SPON2: variants seen among roughly 807,000 people sequenced by gnomAD.
SPON2 encodes the protein spondin-2.
In SPON2, 32 loss-of-function variants were observed where a neutral mutation model predicts 29.9. That is an observed-to-expected ratio of 1.07 (90% CI 0.81 to 1.44). The LOEUF (loss-of-function observed/expected upper bound fraction) is 1.44, where lower values mean the gene tolerates loss of function less well. SPON2 is among the 40% of genes most tolerant of loss of function. The probability of loss-of-function intolerance (pLI) is 0.00; values close to 1 mark genes in which losing one functional copy is unlikely to be tolerated. For missense variants in SPON2, 541 were observed against 455.5 expected, an observed-to-expected ratio of 1.19 and a Z score of -1.71; for synonymous variants, 248 against 209.1, an observed-to-expected ratio of 1.19 and a Z score of -1.61.
At position 1,206,175 on chromosome 4, in the gene SPON2, GC is replaced by G. The variant is rs543225873; in HGVS notation, c.-234+1704del. 5.3e-5 allele frequency among the ~76,000 whole-genome samples: 8 copies of G among 152,314 alleles called. No homozygotes were observed. The South Asian group carries it at 1.4e-3, about 28-fold the overall frequency. On this transcript the variant is annotated intron_variant, in intron 1 of 3. Transcript: ENST00000509233. Reference sequence around the variant, plus strand: ...GACCCGGGGCCATGAACAGGAGGATGCCCCCCTCCCTGCTCCTCATGTGTGC... The same window carrying G: ...GACCCGGGGCCATGAACAGGAGGATGCCCCCTCCCTGCTCCTCATGTGTGC...
intron 1 of SPON2, among the ~76,000 whole-genome samples, chr4:1,186,046 C>A (rs1000254855): frequency 4.7e-5 from 7 of 149,862 alleles, no homozygotes; most frequent in South Asian, 2.1e-4. Flanking sequence ...AGATCGAGAC[C>A]ATCCTGGCTA....
At chr4:1,184,936 C>CAAAAA (rs71168814) in intron 1 of SPON2, among the ~76,000 whole-genome samples, 1 of 126,136 alleles carries the variant, frequency 7.9e-6, no homozygotes, top group Non-Finnish European at 1.6e-5. Flanking sequence ...GACTCTGTCT[C>CAAAAA]AAAAAAAAAA....
At chr4:1,175,963 G>A (rs1413073387), upstream of SPON2, among the ~76,000 whole-genome samples, 7 of 152,162 alleles carry the variant, frequency 4.6e-5, no homozygotes, top group Non-Finnish European at 8.8e-5. Context: ...CCAAAAGCAC[G>A]CCTGCGAAGG....
chr4:1,186,115 G>A (rs1227197286), intron 1 of SPON2, among the ~76,000 whole-genome samples: 3 of 150,286 alleles, frequency 2.0e-5, no homozygotes, highest in African/African-American at 4.9e-5. Flanking sequence ...GTGGTGGTGG[G>A]CGCCTGTAGT....
Position 1,171,204 on chromosome 4 carries a change from G to A in SPON2, c.445-14C>T, listed in dbSNP as rs1727429217. On this transcript the variant is annotated splice_polypyrimidine_tract_variant and intron_variant, in intron 3 of 5. Transcript: ENST00000290902. ...CACAAACGAGACCTGCGGCGACAGC[G>A]GCTCAGCGCGCCTGGCCCCGGCCCC... 2.0e-6 allele frequency: 3 copies of A among 1,480,216 alleles called. No individual in the cohort carries two copies. The East Asian group carries it at 8.4e-5, about 41-fold the overall frequency. 91.7% of individuals were successfully genotyped at this position (1,480,216 alleles called of 1,614,324 possible).
At chr4:1,187,533 C>CT (rs1188033297) in intron 1 of SPON2, among the ~76,000 whole-genome samples, 3 of 151,980 alleles carry the variant, frequency 2.0e-5, no homozygotes, top group Non-Finnish European at 4.4e-5. Context: ...TTATATGTAT[C>CT]TTTTTTTTGA....
chr4:1,176,729 TTCACACAGTACATTCATGCACTAATTCAC>T (rs1389945016), upstream of SPON2, among the ~76,000 whole-genome samples: 130 of 152,172 alleles, frequency 8.5e-4, 1 homozygote, highest in African/African-American at 3.1e-3. Context: ...AGTACATTGA[TTCACACAGTACATTCATGCACTAATTCAC>T]TCACACAGTA....
At chr4:1,195,520 T>G (rs1367900617), upstream of SPON2, among the ~76,000 whole-genome samples, 5 of 149,072 alleles carry the variant, frequency 3.4e-5, no homozygotes, top group Admixed American at 2.0e-4. Flanking sequence ...AGCTCGAGGT[T>G]GGGCGGATGG....
chr4:1,170,768 T>G, intron 4 of SPON2, 192 bp from the exon 5 acceptor site: 1 of 946,378 alleles, frequency 1.1e-6, no homozygotes, highest in South Asian at 1.4e-5. Context: ...AGGGGCAGCC[T>G]CCTCGGGACG....
rs921018588 is a variant in SPON2, at chr4:1,202,599, C to T, written c.-234+5281G>A. ...CTCAGCCCACTCAGTGCTCATGGGT[C>T]GGAGTCTCCTGCCTGCCGCTCTCCC... On this transcript the variant is annotated intron_variant, in intron 1 of 3. Coordinates refer to the SPON2 transcript ENST00000509233. The surrounding 1 kb of genome is among the most constrained non-coding windows in gnomAD (Gnocchi z 5.4). 2.0e-5 allele frequency among the ~76,000 whole-genome samples: 3 copies of T among 152,050 alleles called. No homozygotes were observed. The highest frequency in any genetic ancestry group is 7.2e-5 in the African/African-American group (3 of 41,390).
intron 1 of SPON2, chr4:1,200,683 C>A (rs773002478): frequency 2.5e-6 from 1 of 394,068 alleles, no homozygotes; most frequent in Non-Finnish European, 5.2e-6. Context: ...CAGGTGTGGA[C>A]GACCCTCACA....
chr4:1,171,507 G>T (rs1458390482), intron 2 of SPON2, 21 bp from the exon 3 acceptor site: 3 of 1,602,428 alleles, frequency 1.9e-6, no homozygotes, highest in African/African-American at 2.7e-5. Flanking sequence ...ACCCGGCCGC[G>T]CCGCGGACCA....
At chr4:1,171,782 A>G (rs1727459213) in intron 2 of SPON2, 70 bp downstream of exon 2, 1 of 1,054,802 alleles carries the variant, frequency 9.5e-7, no homozygotes, top group East Asian at 2.4e-5. Flanking sequence ...GCCGCCGTGC[A>G]GCTGTGCGGG....
chr4:1,192,823 C>T (rs1317917993), intron 1 of SPON2, among the ~76,000 whole-genome samples: 3 of 152,236 alleles, frequency 2.0e-5, no homozygotes, highest in Non-Finnish European at 2.9e-5. Flanking sequence ...GCTGAGGCCA[C>T]GGCCCAGCAT....
intron 1 of SPON2, 86 bp from the exon 2 acceptor site, chr4:1,172,160 G>T: frequency 1.6e-6 from 2 of 1,238,796 alleles, no homozygotes; most frequent in Non-Finnish European, 2.3e-6. Context: ...GGCACTTTGG[G>T]CTCTGAGGAC....
chr4:1,191,550 C>T (rs1727915001), intron 1 of SPON2, among the ~76,000 whole-genome samples: 1 of 152,176 alleles, frequency 6.6e-6, no homozygotes, highest in Non-Finnish European at 1.5e-5. Context: ...AGCCAGTCTC[C>T]CAGTGAAGGT....
At chr4:1,171,568 C>T in intron 2 of SPON2, 82 bp from the exon 3 acceptor site, 1 of 1,378,092 alleles carries the variant, frequency 7.3e-7, no homozygotes, top group Non-Finnish European at 1.0e-6. Flanking sequence ...CCCAGGAAAT[C>T]CCTCCCCGCC....
At chr4:1,192,124 A>T (rs1473124452) in intron 1 of SPON2, among the ~76,000 whole-genome samples, 1 of 152,230 alleles carries the variant, frequency 6.6e-6, no homozygotes, top group Non-Finnish European at 1.5e-5. Context: ...CGGCTGTGTG[A>T]CCCGGCATGG....
At chr4:1,180,348 G>T (rs1727681804) in intron 1 of SPON2, among the ~76,000 whole-genome samples, 1 of 152,176 alleles carries the variant, frequency 6.6e-6, no homozygotes, top group Non-Finnish European at 1.5e-5. Context: ...TACAGATTTT[G>T]CATAATTAAT....
Sources: gnomAD v4.1 joint callset for allele counts (sites outside exome capture counted in the v4.1 genomes callset) on GRCh38, gnomAD v4.1.1 for gene constraint, Gnocchi (gnomAD v3.1) non-coding constraint, MANE v1.5 for transcripts, NCBI Gene and HGNC (gene_info 2026-07-23, HGNC 2026-07-21) for gene names.